NBEAL1: variants seen among roughly 807,000 people sequenced by gnomAD.
NBEAL1 encodes neurobeachin like 1.
A neutral mutation model predicts 351.3 loss-of-function variants in NBEAL1; 273 were observed. The ratio of observed to expected loss-of-function variants is 0.78; its 90% CI spans 0.70 to 0.86. The LOEUF is 0.86. Among genes scored for constraint, NBEAL1 ranks in the 40% least tolerant of loss-of-function variants. The pLI, the probability that NBEAL1 is intolerant of heterozygous loss-of-function variation, is 0.00. For synonymous variants in NBEAL1, 1,050 were observed against 1,086.4 expected (o/e 0.97, Z 0.66); for missense variants, 2,961 against 3,201.3 (o/e 0.92, Z 1.81).
chr2:203,038,040 T>G (rs1423022715), intron 2 of NBEAL1, among the ~76,000 whole-genome samples: 1 of 149,366 alleles, frequency 6.7e-6, no homozygotes, highest in Non-Finnish European at 1.5e-5. Context: ...GCTCAATAGA[T>G]TTTTGAAAAA....
At chr2:203,160,979 G>A (rs2063938186) in intron 36 of NBEAL1, among the ~76,000 whole-genome samples, 1 of 152,006 alleles carries the variant, frequency 6.6e-6, no homozygotes, top group Non-Finnish European at 1.5e-5. Context: ...GATCACTAAA[G>A]GGCAGGAGTT....
intron 40 of NBEAL1, 47 bp from the exon 41 acceptor site, chr2:203,172,682 G>A (rs1277946037): frequency 6.4e-7 from 1 of 1,550,758 alleles, no homozygotes; most frequent in Non-Finnish European, 8.7e-7. Context: ...GAGGATATTA[G>A]CTTCTCTAGG....
chr2:203,190,519 T>A, intron 46 of NBEAL1, 130 bp downstream of exon 46: 2 of 761,384 alleles, frequency 2.6e-6, no homozygotes, highest in South Asian at 3.6e-5. Flanking sequence ...TTCTGTTTGC[T>A]CAGAAAGTCT....
Position 203,127,883 on chromosome 2 carries a change from T to G in NBEAL1, c.3351T>G (p.His1117Gln). The change falls in exon 24 of 56, where the codon CAT becomes CAG. Residue 1117 changes from histidine (H) to glutamine (Q), a missense_variant. Coordinates refer to ENST00000683969, the MANE Select transcript of NBEAL1 (RefSeq NM_001378026.1). The part of the protein sequence containing the change: ...IKYFLCKGGS[H>Q]EEIQSIMGYI... ...ATTTTCTGTGCAAAGGTGGATCTCA[T>G]GAAGAGATACAAAGTATTATGGGGT... 2 of 1,553,026 alleles carry G rather than the reference T, an allele frequency of 1.3e-6. No homozygotes were observed. The highest frequency in any genetic ancestry group is 1.7e-6 in the Non-Finnish European group (2 of 1,146,460).
At chr2:203,185,194 T>C (rs1306868092) in intron 44 of NBEAL1, among the ~76,000 whole-genome samples, 1 of 152,214 alleles carries the variant, frequency 6.6e-6, no homozygotes, top group Non-Finnish European at 1.5e-5. Context: ...GTCTTTATTG[T>C]AGGCATGTAG....
intron 2 of NBEAL1, among the ~76,000 whole-genome samples, chr2:203,025,360 G>A (rs946633296): frequency 1.4e-4 from 22 of 152,152 alleles, no homozygotes; most frequent in Non-Finnish European, 3.1e-4. Context: ...GGAGCTTATA[G>A]ACCTCTGAAA....
At chr2:203,093,751 G>A (rs914469222) in intron 10 of NBEAL1, among the ~76,000 whole-genome samples, 17 of 152,132 alleles carry the variant, frequency 1.1e-4, no homozygotes, top group Non-Finnish European at 1.6e-4. Flanking sequence ...CTACTAGAGA[G>A]GCTGAAGAAT....
rs527927745 is a variant in NBEAL1 at position 203,087,534 on chromosome 2, G to A, written c.1098+2965G>A. 5.3e-5 allele frequency among the ~76,000 whole-genome samples: 8 copies of A among 152,270 alleles called. No homozygotes were observed. In the South Asian group the frequency reaches 1.5e-3, roughly 28 times the overall value. Reference sequence around the variant, plus strand: ...TTTTTAAATCTCCATACCATGACTTGTGCAAGGCTCTAAGACATCTGACTC... The same window carrying A: ...TTTTTAAATCTCCATACCATGACTTATGCAAGGCTCTAAGACATCTGACTC... On this transcript the variant is annotated intron_variant, in intron 10 of 55. Coordinates refer to ENST00000683969, the MANE Select transcript of NBEAL1 (RefSeq NM_001378026.1).
chr2:203,087,029 T>A (rs574065697), intron 10 of NBEAL1, among the ~76,000 whole-genome samples: 1 of 152,262 alleles, frequency 6.6e-6, no homozygotes, highest in African/African-American at 2.4e-5. Context: ...ATTGCTTTAT[T>A]TCAGGCTTTA....
At chr2:203,074,995 G>A (rs1288093746) in intron 7 of NBEAL1, 1 of 152,498 alleles carries the variant, frequency 6.6e-6, no homozygotes, top group Non-Finnish European at 1.5e-5. Context: ...GAACCATAGT[G>A]TCTTGGGCCA....
At chr2:203,190,209 C>CACACACACACACACA in intron 45 of NBEAL1, 83 bp from the exon 46 acceptor site, 1 of 619,780 alleles carries the variant, frequency 1.6e-6, no homozygotes, top group Admixed American at 2.5e-5. Flanking sequence ...CACACACACA[C>CACACACACACACACA]CAATGAGCCT....
intron 54 of NBEAL1, among the ~76,000 whole-genome samples, chr2:203,211,969 C>T (rs1389775403): frequency 6.6e-6 from 1 of 152,006 alleles, no homozygotes; most frequent in Non-Finnish European, 1.5e-5. Context: ...CTCACTGCAG[C>T]CTCTGCCTCC....
chr2:203,093,296 A>G (rs1015916977), intron 10 of NBEAL1, among the ~76,000 whole-genome samples: 7 of 150,818 alleles, frequency 4.6e-5, no homozygotes, highest in Non-Finnish European at 8.9e-5. Context: ...GATACAATGT[A>G]ATTCCTACTA....
At chr2:203,130,515 T>C in intron 25 of NBEAL1, 39 bp downstream of exon 25, 2 of 1,319,910 alleles carry the variant, frequency 1.5e-6, no homozygotes, top group Non-Finnish European at 1.9e-6. Context: ...TTTTGAGGCG[T>C]TTGTGGGTAT....
intron 2 of NBEAL1, among the ~76,000 whole-genome samples, chr2:203,032,368 A>G (rs888805765): frequency 6.6e-6 from 1 of 152,092 alleles, no homozygotes; most frequent in Non-Finnish European, 1.5e-5. Context: ...GTTTAAGAAG[A>G]TAAGAACAGC....
chr2:203,166,262 T>A lies in NBEAL1; in HGVS notation c.5828T>A (p.Ile1943Asn), dbSNP rs2064126707. 6.2e-7 allele frequency: 1 copy of A among 1,611,012 alleles called. No homozygotes were observed. The highest frequency in any genetic ancestry group is 1.3e-5 in the African/African-American group (1 of 74,914). Residue 1943 changes from isoleucine (I) to asparagine (N), a missense_variant, in exon 37 of 56, where the codon ATT (isoleucine) becomes AAT (asparagine). Coordinates refer to ENST00000683969, the MANE Select transcript of NBEAL1 (RefSeq NM_001378026.1). ...AGATTAGAAATCACTACTCAACACA[T>A]TTACTTCTATGATGGCAGCATTGAA... ...PGRLEITTQHIYFYDGSIEKE... is the reference protein window; with the variant it reads ...PGRLEITTQHNYFYDGSIEKE...
Position 203,144,921 on chromosome 2 carries a change from T to A in NBEAL1, c.5154+16T>A. 6.4e-7 allele frequency: 1 copy of A among 1,552,524 alleles called. No homozygotes were observed. The highest frequency in any genetic ancestry group is 8.7e-7 in the Non-Finnish European group (1 of 1,152,066). ...TGAAAAATATGTAAGTTTTATCTTT[T>A]TTGATCAAGATTTTTCTGCTAATTT... is the stretch of plus-strand genomic sequence containing the variant. On this transcript the variant is annotated intron_variant, in intron 32 of 55. Coordinates refer to ENST00000683969, the MANE Select transcript of NBEAL1 (RefSeq NM_001378026.1).
chr2:203,166,693 T>A (rs546763824), intron 37 of NBEAL1, among the ~76,000 whole-genome samples: 6 of 151,988 alleles, frequency 3.9e-5, no homozygotes, highest in Admixed American at 2.6e-4. Context: ...CTTACAGGCA[T>A]GTGCCACCAC....
At position 203,086,644 on chromosome 2, in the gene NBEAL1, C is replaced by T. The variant is rs1235136538; in HGVS notation, c.1098+2075C>T. ...CTGCCTCCTGGGTTCAAGCGATTCTCCTGCCTCAGCCCCCCAAATAGCTGG... is the reference window on the plus strand; with the variant it reads ...CTGCCTCCTGGGTTCAAGCGATTCTTCTGCCTCAGCCCCCCAAATAGCTGG... On this transcript the variant is annotated intron_variant, in intron 10 of 55. Transcript: ENST00000683969. Among the ~76,000 whole-genome samples, 4 of 152,272 alleles carry T rather than the reference C, an allele frequency of 2.6e-5. No homozygotes were observed. The South Asian group carries it at 6.2e-4, about 24-fold the overall frequency.
Sources: allele counts gnomAD v4.1 joint callset (sites outside exome capture counted in the v4.1 genomes callset), GRCh38; gene constraint gnomAD v4.1.1; transcripts MANE v1.5; gene names NCBI Gene and HGNC (gene_info 2026-07-23, HGNC 2026-07-21).